CASP6: variants seen among roughly 807,000 people sequenced by gnomAD.
CASP6 encodes the protein caspase 6, also known as caspase-6.
A neutral mutation model predicts 31.8 loss-of-function variants in CASP6; 20 were observed. The observed-to-expected ratio is 0.63, with a 90% CI of 0.44 to 0.91. The LOEUF is 0.91. Ranked by LOEUF, CASP6 falls within the 40% of genes least tolerant of loss-of-function variation. CASP6 has a pLI of 0.00. For missense variants in CASP6, 328 were observed against 361.1 expected, an observed-to-expected ratio of 0.91 and a Z score of 0.74; for synonymous variants, 130 against 127.8, an observed-to-expected ratio of 1.02 and a Z score of -0.12.
the CASP6 span, among the ~76,000 whole-genome samples, chr4:109,665,532 C>T: frequency 6.6e-6 from 1 of 152,136 alleles, no homozygotes; most frequent in African/African-American, 2.4e-5. Flanking sequence ...GGCCCTGATA[C>T]AAAATGTTTG....
rs1431688907 is a variant in CASP6 at position 109,690,833 on chromosome 4, T to C, written c.643+17A>G. 1.3e-6 allele frequency: 2 copies of C among 1,586,856 alleles called. No individual in the cohort carries two copies. The highest frequency in any genetic ancestry group is 3.6e-5 in the Admixed American group (2 of 56,092). The stretch of plus-strand genomic sequence containing the variant: ...GCCAAGAGAGGCAATTATATGTTTG[T>C]TTTAAACACCACACACCTTCTGCAA... On this transcript the variant is annotated intron_variant, in intron 6 of 6. Transcript: ENST00000265164.
chr4:109,698,371 T>G (rs1222101822), intron 1 of CASP6, 29 bp from the exon 2 acceptor site: 1 of 1,598,000 alleles, frequency 6.3e-7, no homozygotes, highest in Admixed American at 1.7e-5. Context: ...TTTTGTTAAT[T>G]ATTTTTTACT....
rs771986235 is a variant in CASP6, at chr4:109,689,522, T to G, written c.690A>C (p.Gln230His). 1 of 1,614,178 alleles carries G rather than the reference T, an allele frequency of 6.2e-7. No individual in the cohort carries two copies. The highest frequency in any genetic ancestry group is 8.5e-7 in the Non-Finnish European group (1 of 1,180,026). Residue 230 changes from glutamine to histidine, a missense_variant, in exon 7 of 7, where the codon CAA (glutamine) becomes CAC (histidine). Transcript: ENST00000265164. ...ATTTTCCCAACATCTCACACAAATC[T>G]TGAATGTACCATGAGCCGTTCACAG... ...RETVNGSWYI[Q>H]DLCEMLGKYG... is the part of the protein sequence containing the mutation.
intron 4 of CASP6, among the ~76,000 whole-genome samples, chr4:109,695,151 A>G (rs5030573): frequency 2.6e-5 from 4 of 152,132 alleles, no homozygotes; most frequent in South Asian, 2.1e-4. Context: ...TAAGTGTAAA[A>G]TATCTGTGAT....
chr4:109,686,367 A>T (rs1382076325), downstream of CASP6, among the ~76,000 whole-genome samples: 1 of 152,104 alleles, frequency 6.6e-6, no homozygotes, highest in African/African-American at 2.4e-5. Context: ...TCAAACTCCT[A>T]ACCTCAAGTG....
the CASP6 span, chr4:109,674,174 A>T: frequency 2.2e-5 from 19 of 882,404 alleles, no homozygotes; most frequent in Non-Finnish European, 3.7e-5. Context: ...TAGACGTCTC[A>T]TTATTGAAGT....
At chr4:109,673,430 T>C in the CASP6 span, among the ~76,000 whole-genome samples, 1 of 152,174 alleles carries the variant, frequency 6.6e-6, no homozygotes, top group Admixed American at 6.5e-5. Context: ...GGGATTGAAC[T>C]CCTAGGGCAG....
the CASP6 span, among the ~76,000 whole-genome samples, chr4:109,673,584 G>A: frequency 6.6e-6 from 1 of 152,144 alleles, no homozygotes; most frequent in Admixed American, 6.5e-5. Context: ...CAATGGCAGA[G>A]GAATCATACT....
chr4:109,684,649 G>T, downstream of CASP6: 1 of 1,364,782 alleles, frequency 7.3e-7, no homozygotes, highest in South Asian at 1.2e-5. Flanking sequence ...CTCGACAGGT[G>T]AGTAGTTTGT....
intron 5 of CASP6, among the ~76,000 whole-genome samples, chr4:109,691,239 TATAC>T (rs5030590): frequency 1.7e-3 from 257 of 152,330 alleles, no homozygotes; most frequent in African/African-American, 6.0e-3. Flanking sequence ...CATCCCCAAG[TATAC>T]ATCAAATTAT....
chr4:109,696,781 G>GTTTTTTTTTTT (rs757024540), intron 3 of CASP6, among the ~76,000 whole-genome samples: 1 of 126,756 alleles, frequency 7.9e-6, no homozygotes, highest in Non-Finnish European at 1.6e-5. Flanking sequence ...ACTCAGGCAA[G>GTTTTTTTTTTT]TTTTTTTTTT....
downstream of CASP6, chr4:109,687,586 G>C (rs1400868443): frequency 1.0e-5 from 16 of 1,602,786 alleles, no homozygotes; most frequent in Non-Finnish European, 1.4e-5. Flanking sequence ...TCAATGAAAA[G>C]AATTAATCTT....
Position 109,697,700 on chromosome 4 carries a change from T to C in CASP6, c.152A>G (p.Asn51Ser), listed in dbSNP as rs768312737. Residue 51 changes from asparagine to serine, a missense_variant, in exon 3 of 7, where the codon AAT (asparagine) becomes AGT (serine). Physicochemically the swap from Asn to Ser is conservative, Grantham distance 46 (BLOSUM62 1). Transcript: ENST00000265164. ...TAAGTGCCAAAAGAACCTCTCATGA[T>C]TGAAGATTAAAGCAATTCCTCTCCT... ...HRRRGIALIF[N>S]HERFFWHLTL... is the part of the protein sequence containing the mutation. 9 of 1,613,970 alleles carry C rather than the reference T, an allele frequency of 5.6e-6. No homozygotes were observed. In the Admixed American group the frequency reaches 8.3e-5, roughly 15 times the overall value.
chr4:109,703,868 T>C (rs1181376989), upstream of CASP6, among the ~76,000 whole-genome samples: 3 of 152,238 alleles, frequency 2.0e-5, no homozygotes, highest in East Asian at 3.8e-4. Flanking sequence ...TAGCAGATAC[T>C]GCCTGTATTT....
upstream of CASP6, among the ~76,000 whole-genome samples, chr4:109,705,998 AAAAATATATATAT>A (rs1218785727): frequency 7.3e-5 from 4 of 54,720 alleles, no homozygotes; most frequent in African/African-American, 3.1e-4. Flanking sequence ...AAAAAAAAAA[AAAAATATATATAT>A]ATATATATAT....
the CASP6 span, among the ~76,000 whole-genome samples, chr4:109,673,476 GT>G: frequency 2.6e-5 from 4 of 152,198 alleles, no homozygotes; most frequent in Non-Finnish European, 5.9e-5. Context: ...GTGAGCCCAG[GT>G]TTCCCTGTAA....
rs1048864604 is a variant in CASP6 at position 109,694,738 on chromosome 4, A to T, written c.308-38T>A. On this transcript the variant is annotated intron_variant, in intron 4 of 6. Transcript: ENST00000265164. ...CAAAAGAGAATATAGAAATGAAAAT[A>T]TGATGCTTGTTATCTACACATAAAA... 5.5e-6 allele frequency: 8 copies of T among 1,453,940 alleles called. No homozygotes were observed. The African/African-American group carries it at 1.2e-4, about 21-fold the overall frequency. The allele number at this position is 1,453,940 out of a possible 1,614,324, so 90.1% of individuals were successfully genotyped here.
the CASP6 span, among the ~76,000 whole-genome samples, chr4:109,672,490 C>T: frequency 1.4e-4 from 22 of 152,096 alleles, no homozygotes; most frequent in African/African-American, 5.3e-4. Flanking sequence ...GCTTCTTCTC[C>T]CAGTAAGCTA....
downstream of CASP6, chr4:109,687,925 C>T: frequency 5.3e-6 from 1 of 190,028 alleles, no homozygotes; most frequent in Non-Finnish European, 1.1e-5. Flanking sequence ...AATTTGGAAT[C>T]ATCCTTTTAA....
Sources: allele counts gnomAD v4.1 joint callset (sites outside exome capture counted in the v4.1 genomes callset), GRCh38; gene constraint gnomAD v4.1.1; transcripts MANE v1.5; gene names NCBI Gene and HGNC (gene_info 2026-07-23, HGNC 2026-07-21).